The following PRKAG1 variants were observed in gnomAD, a reference collection of about 807,000 sequenced individuals.
PRKAG1 encodes protein kinase AMP-activated non-catalytic subunit gamma 1.
In PRKAG1, 27 loss-of-function variants were observed where a neutral mutation model predicts 48.2. That is an observed-to-expected ratio of 0.56 (90% CI 0.41 to 0.77). PRKAG1 has a LOEUF of 0.77. Among genes scored for constraint, PRKAG1 ranks in the 30% least tolerant of loss-of-function variants. PRKAG1 has a pLI of 0.00. For missense variants in PRKAG1, 287 were observed against 398.3 expected (o/e 0.72, Z 2.38); for synonymous variants, 130 against 147.7 (o/e 0.88, Z 0.87).
At chr12:49,017,387 G>A in intron 1 of PRKAG1, 1 of 348,974 alleles carries the variant, frequency 2.9e-6, no homozygotes, top group South Asian at 2.2e-5. Flanking sequence ...TTGTATTTTT[G>A]TTTCTGTCGA....
intron 1 of PRKAG1, among the ~76,000 whole-genome samples, chr12:49,013,979 G>A (rs1941865278): frequency 6.6e-6 from 1 of 152,064 alleles, no homozygotes; most frequent in Non-Finnish European, 1.5e-5. Flanking sequence ...CCTCCTCCTG[G>A]GTTCAAGCAA....
intron 2 of PRKAG1, among the ~76,000 whole-genome samples, chr12:49,010,907 G>T (rs1468764240): frequency 1.3e-5 from 2 of 150,968 alleles, no homozygotes; most frequent in African/African-American, 4.9e-5. Context: ...GCAGTGGTGC[G>T]ATCTCCACTC....
In PRKAG1 at chr12:49,003,171, G is replaced by C. The variant is rs201637164; in HGVS notation, c.861C>G (p.Thr287=). Residue 287 remains threonine (T), a synonymous_variant, in exon 11 of 12, where the codon ACC becomes ACG. Coordinates refer to ENST00000548065, the MANE Select transcript of PRKAG1 (RefSeq NM_002733.5). ...LKCYLHETLE[T]IINRLVEAEV... is the part of the protein sequence containing the mutation. Reference sequence around the variant, plus strand: ...CTGCTTCCACTAGCCTGTTGATGATGGTCTCCAGAGTCTCATGCAGGTAGC... The same window carrying C: ...CTGCTTCCACTAGCCTGTTGATGATCGTCTCCAGAGTCTCATGCAGGTAGC... 49 of 1,614,100 alleles carry C rather than the reference G, an allele frequency of 3.0e-5. No homozygotes were observed. Among genetic ancestry groups the C allele is most frequent in the Non-Finnish European group, 3.9e-5 (46 of 1,180,022 alleles).
intron 1 of PRKAG1, chr12:49,018,399 C>G: frequency 1.7e-6 from 2 of 1,174,994 alleles, no homozygotes; most frequent in Non-Finnish European, 2.1e-6. Context: ...CAACCCTGCG[C>G]TCTCAAACCT....
At position 49,005,594 on chromosome 12, in the gene PRKAG1, T is replaced by TGTAAAAAAA. The variant is rs1941504493; in HGVS notation, c.169-60_169-52dup. ...AAAGGCAAATCCACAGGGGCAGGAC[T>TGTAAAAAAA]GTAAAAAAAGAACAGTGTTTGGGCA... On this transcript the variant is annotated intron_variant, in intron 3 of 11. Coordinates refer to ENST00000548065, the MANE Select transcript of PRKAG1 (RefSeq NM_002733.5). This position sits in a 1 kb window ranked among gnomAD's most constrained non-coding sequence, Gnocchi z 4.1. 6.2e-7 allele frequency: 1 copy of TGTAAAAAAA among 1,613,614 alleles called. No individual in the cohort carries two copies. The highest frequency in any genetic ancestry group is 1.1e-5 in the South Asian group (1 of 90,992).
Position 49,004,603 on chromosome 12 carries a change from C to T in PRKAG1, c.441G>A (p.Arg147=), listed in dbSNP as rs200599162. ...TAACTGGCAGCCTGTGGATCTTGTT[C>T]CGAATTAATGAAGAGACAGCATCAA... The part of the protein sequence containing the change: ...SLFDAVSSLI[R]NKIHRLPVID... Residue 147 remains arginine, a synonymous_variant, in exon 8 of 12, where the codon CGG becomes CGA. Transcript: ENST00000548065. 2 of 1,613,942 alleles carry T rather than the reference C, an allele frequency of 1.2e-6. No individual in the cohort carries two copies. Among genetic ancestry groups the T allele is most frequent in the Non-Finnish European group, 1.7e-6 (2 of 1,179,948 alleles).
chr12:49,018,432 T>C (rs1451171746), intron 1 of PRKAG1: 5 of 1,304,258 alleles, frequency 3.8e-6, no homozygotes, highest in East Asian at 3.1e-5. Context: ...GAGGTGCCAA[T>C]AGGAAAGGAG....
chr12:49,016,290 C>A (rs184368275), intron 1 of PRKAG1, among the ~76,000 whole-genome samples: 1 of 152,150 alleles, frequency 6.6e-6, no homozygotes, highest in Non-Finnish European at 1.5e-5. Context: ...CACTGTACCA[C>A]GCAAGTACAA....
chr12:49,016,383 T>A (rs1592288004), intron 1 of PRKAG1, among the ~76,000 whole-genome samples: 2 of 152,260 alleles, frequency 1.3e-5, no homozygotes, highest in South Asian at 4.1e-4. Flanking sequence ...CAATTATTTG[T>A]TTGACAACCA....
intron 2 of PRKAG1, among the ~76,000 whole-genome samples, chr12:49,007,982 C>T (rs1941612243): frequency 6.6e-6 from 1 of 151,750 alleles, no homozygotes; most frequent in Admixed American, 6.6e-5. Context: ...GCCTCAGCCT[C>T]GCAAGTAGCT....
Position 49,005,986 on chromosome 12 carries a change from T to C in PRKAG1, c.59-134A>G. 2 of 665,982 alleles carry C rather than the reference T, an allele frequency of 3.0e-6. No individual in the cohort carries two copies. The highest frequency in any genetic ancestry group is 5.0e-6 in the Non-Finnish European group (2 of 402,122). The allele number at this position is 665,982 out of a possible 1,614,324, so 41.3% of individuals were successfully genotyped here. The stretch of plus-strand genomic sequence containing the variant: ...TTTTAATAAGACCCCTTATTTTATC[T>C]GTCTTGTTCCTATTGTTTCCACAAA... On this transcript the variant is annotated intron_variant, in intron 2 of 11. Coordinates refer to ENST00000548065, the MANE Select transcript of PRKAG1 (RefSeq NM_002733.5). This position sits in a 1 kb window ranked among gnomAD's most constrained non-coding sequence, Gnocchi z 4.1.
chr12:49,003,181 G>A lies in PRKAG1; in HGVS notation c.851C>T (p.Thr284Ile). 1 of 1,614,184 alleles carries A rather than the reference G, an allele frequency of 6.2e-7. No homozygotes were observed. Among genetic ancestry groups the A allele is most frequent in the Non-Finnish European group, 8.5e-7 (1 of 1,180,036 alleles). ...TAGCCTGTTGATGATGGTCTCCAGA[G>A]TCTCATGCAGGTAGCACTTGAGAAC... ...EGVLKCYLHE[T>I]LETIINRLVE... The change falls in exon 11 of 12, where the codon ACT (threonine) becomes ATT (isoleucine). Residue 284 changes from threonine to isoleucine, a missense_variant. Coordinates refer to ENST00000548065, the MANE Select transcript of PRKAG1 (RefSeq NM_002733.5).
chr12:49,017,034 C>T (rs1053392225), intron 1 of PRKAG1: 1 of 428,146 alleles, frequency 2.3e-6, no homozygotes, highest in Non-Finnish European at 4.6e-6. Flanking sequence ...TTTGCAGTGC[C>T]CTCTCCTAGG....
chr12:49,008,585 T>C (rs1941635872), intron 2 of PRKAG1: 1 of 152,180 alleles, frequency 6.6e-6, no homozygotes, highest in Non-Finnish European at 1.5e-5. Context: ...GTGGAACACA[T>C]CTTCCAGTAG....
At chr12:49,003,071 C>T in intron 11 of PRKAG1, 65 bp from the exon 12 acceptor site, 2 of 1,613,210 alleles carry the variant, frequency 1.2e-6, no homozygotes, top group Non-Finnish European at 1.7e-6. Context: ...GCCCCTCTGC[C>T]CCTACTCTCC....
intron 7 of PRKAG1, 147 bp from the exon 8 acceptor site, chr12:49,004,780 A>C: frequency 1.5e-6 from 2 of 1,366,064 alleles, no homozygotes. Flanking sequence ...AAAGAGAGAG[A>C]GAGAGAGAGT....
intron 1 of PRKAG1, chr12:49,017,501 C>CGAGATCT: frequency 4.0e-6 from 1 of 250,786 alleles, no homozygotes; most frequent in South Asian, 3.7e-5. Context: ...CGTGAGCCAC[C>CGAGATCT]ACACCTGGCT....
rs1054342944 is a variant in PRKAG1, at chr12:49,004,902, A to C, written c.410+62T>G. ...TCCCCTTTCCCTGGGTGTCTAGGGC[A>C]TTAGCTAGGCTGATGACAAAATCTC... On this transcript the variant is annotated intron_variant, in intron 7 of 11. Transcript: ENST00000548065. 4.5e-5 allele frequency: 69 copies of C among 1,545,382 alleles called. 1 individual carries two copies. In the African/African-American group the frequency reaches 7.8e-4, roughly 18 times the overall value.
chr12:49,007,063 T>C (rs1166664216), intron 2 of PRKAG1, among the ~76,000 whole-genome samples: 1 of 152,088 alleles, frequency 6.6e-6, no homozygotes, highest in Non-Finnish European at 1.5e-5. Flanking sequence ...GGTGGGTGGA[T>C]CACCTGAGGT....
Sources: allele counts gnomAD v4.1 joint callset (sites outside exome capture counted in the v4.1 genomes callset), GRCh38; gene constraint gnomAD v4.1.1; non-coding constraint Gnocchi (gnomAD v3.1); transcripts MANE v1.5; gene names NCBI Gene and HGNC (gene_info 2026-07-23, HGNC 2026-07-21).